The following ANO6 variants were observed in gnomAD, a reference collection of about 807,000 sequenced individuals.
ANO6 encodes anoctamin 6.
Under a neutral mutation model 117.5 loss-of-function variants are expected in ANO6, and 106 were observed. The ratio of observed to expected loss-of-function variants is 0.90; its 90% CI spans 0.77 to 1.06. ANO6 has a LOEUF of 1.06. ANO6 is among the 50% of genes least tolerant of loss of function. The pLI is 0.00. For synonymous variants in ANO6, 367 were observed against 385.1 expected (o/e 0.95, Z 0.55); for missense variants, 955 against 1,121.1 (o/e 0.85, Z 2.12).
intron 19 of ANO6, among the ~76,000 whole-genome samples, chr12:45,424,354 T>TTTTTTTG (rs1555181054): frequency 7.6e-6 from 1 of 132,180 alleles, no homozygotes; most frequent in African/African-American, 2.8e-5. Flanking sequence ...TTTTTTTTTT[T>TTTTTTTG]TAAAGACAGA....
At chr12:45,229,754 C>T (rs1031678189) in intron 1 of ANO6, among the ~76,000 whole-genome samples, 11 of 152,126 alleles carry the variant, frequency 7.2e-5, no homozygotes, top group Non-Finnish European at 1.6e-4. Flanking sequence ...CCTGGCTCTG[C>T]ACAGAGATGG....
intron 1 of ANO6, among the ~76,000 whole-genome samples, chr12:45,263,951 A>G (rs1938131767): frequency 6.6e-6 from 1 of 152,202 alleles, no homozygotes; most frequent in Non-Finnish European, 1.5e-5. Context: ...TTCATCGTCT[A>G]AACAAACTCC....
At chr12:45,411,293 C>A (rs1034532211) in intron 16 of ANO6, among the ~76,000 whole-genome samples, 4 of 152,112 alleles carry the variant, frequency 2.6e-5, no homozygotes, top group African/African-American at 9.7e-5. Context: ...ATAATTCTGC[C>A]TCATCCTGCC....
Position 45,226,876 on chromosome 12 carries a change from T to C in ANO6, c.70+10485T>C, listed in dbSNP as rs1348662771. 2.0e-5 allele frequency among the ~76,000 whole-genome samples: 3 copies of C among 151,702 alleles called. No homozygotes were observed. In the East Asian group the frequency reaches 5.8e-4, roughly 29 times the overall value. Reference sequence around the variant, plus strand: ...ATTTTTATTATAATTTATATTATGATTTGAAACAATTGCATTGTTTCTTCC... The same window carrying C: ...ATTTTTATTATAATTTATATTATGACTTGAAACAATTGCATTGTTTCTTCC... On this transcript the variant is annotated intron_variant, in intron 1 of 19. Transcript: ENST00000320560.
chr12:45,410,506 A>G (rs1028765409), intron 16 of ANO6, among the ~76,000 whole-genome samples: 2 of 152,234 alleles, frequency 1.3e-5, no homozygotes, highest in Non-Finnish European at 2.9e-5. Flanking sequence ...GAAGCATCTC[A>G]AAATAGATTT....
intron 1 of ANO6, among the ~76,000 whole-genome samples, chr12:45,220,187 C>T (rs1364332219): frequency 1.3e-5 from 2 of 152,088 alleles, no homozygotes; most frequent in South Asian, 2.1e-4. Context: ...CCAAAAAAGA[C>T]TATCAGGAAC....
At position 45,432,246 on chromosome 12, in the gene ANO6, C is replaced by A. The variant is rs1344331785; in HGVS notation, c.*2935C>A. On this transcript the variant is annotated 3_prime_UTR_variant, in exon 20 of 20. Coordinates refer to ENST00000320560, the MANE Select transcript of ANO6 (RefSeq NM_001025356.3). ...TAAAGTTTGTAATTAATGTTAATTT[C>A]TGTGCATTTTAATATTCTTTTATAA... 2.1e-6 allele frequency: 2 copies of A among 974,858 alleles called. No homozygotes were observed. The highest frequency in any genetic ancestry group is 2.4e-6 in the Non-Finnish European group (2 of 820,696). 60.4% of individuals were successfully genotyped at this position (974,858 alleles called of 1,614,324 possible).
chr12:45,365,382 C>G (rs529725161), intron 8 of ANO6, among the ~76,000 whole-genome samples: 1 of 152,280 alleles, frequency 6.6e-6, no homozygotes, highest in Admixed American at 6.5e-5. Flanking sequence ...CTAATTTTTC[C>G]TTTTAAGTTC....
At chr12:45,407,320 AC>A (rs1280647092) in intron 15 of ANO6, among the ~76,000 whole-genome samples, 1 of 152,166 alleles carries the variant, frequency 6.6e-6, no homozygotes, top group Non-Finnish European at 1.5e-5. Flanking sequence ...ACAGAAAAAG[AC>A]CTGCTTCTCT....
intron 13 of ANO6, 73 bp from the exon 14 acceptor site, chr12:45,402,999 A>G: frequency 3.0e-6 from 4 of 1,348,210 alleles, no homozygotes; most frequent in Non-Finnish European, 4.2e-6. Context: ...TAACTCATGT[A>G]TCAGTATTTT....
At chr12:45,273,992 C>T (rs958940324) in intron 1 of ANO6, among the ~76,000 whole-genome samples, 2 of 152,188 alleles carry the variant, frequency 1.3e-5, no homozygotes, top group Admixed American at 1.3e-4. Context: ...CTGACCACTC[C>T]CTGCTTCCTG....
chr12:45,306,395 G>A (rs1448115634), intron 2 of ANO6, among the ~76,000 whole-genome samples: 1 of 152,146 alleles, frequency 6.6e-6, no homozygotes, highest in African/African-American at 2.4e-5. Flanking sequence ...GGAAGATGAT[G>A]AGAAACCATA....
chr12:45,231,841 G>A (rs1405953845), intron 1 of ANO6, among the ~76,000 whole-genome samples: 1 of 151,858 alleles, frequency 6.6e-6, no homozygotes, highest in Non-Finnish European at 1.5e-5. Context: ...ACAGCAAAAG[G>A]CTTTTGAGCC....
chr12:45,292,057 C>T (rs943953309), intron 1 of ANO6, among the ~76,000 whole-genome samples: 89 of 152,290 alleles, frequency 5.8e-4, no homozygotes, highest in African/African-American at 1.8e-3. Flanking sequence ...GTGGAAACAA[C>T]ACCCGTGTCC....
intron 8 of ANO6, among the ~76,000 whole-genome samples, chr12:45,360,410 A>G (rs1033011611): frequency 6.6e-5 from 10 of 152,338 alleles, no homozygotes; most frequent in African/African-American, 2.4e-4. Flanking sequence ...AAGGGCACCT[A>G]ATCCCATTCA....
chr12:45,347,293 C>T (rs928465547), intron 4 of ANO6: 10 of 546,066 alleles, frequency 1.8e-5, no homozygotes, highest in South Asian at 3.0e-5. Context: ...TAATAGCCAA[C>T]GAATTTTACA....
intron 3 of ANO6, among the ~76,000 whole-genome samples, chr12:45,339,616 A>G (rs1224182515): frequency 6.6e-6 from 1 of 152,116 alleles, no homozygotes; most frequent in Non-Finnish European, 1.5e-5. Context: ...TACTCAGTTG[A>G]GTAAATTCCT....
At chr12:45,424,806 G>A (rs1033640697) in intron 19 of ANO6, among the ~76,000 whole-genome samples, 2 of 152,134 alleles carry the variant, frequency 1.3e-5, no homozygotes, top group Admixed American at 6.6e-5. Flanking sequence ...GGATAAGCCA[G>A]AGACCCAAAA....
chr12:45,224,373 G>T (rs1044325237), intron 1 of ANO6, among the ~76,000 whole-genome samples: 4 of 152,110 alleles, frequency 2.6e-5, no homozygotes, highest in African/African-American at 9.7e-5. Context: ...ATCATGTTGT[G>T]TACATATCAT....
Sources: gnomAD v4.1 joint callset for allele counts (sites outside exome capture counted in the v4.1 genomes callset) on GRCh38, gnomAD v4.1.1 for gene constraint, MANE v1.5 for transcripts, NCBI Gene and HGNC (gene_info 2026-07-23, HGNC 2026-07-21) for gene names.